Variants in CTNNA2 observed in about 807,000 individuals in gnomAD.
The protein encoded by CTNNA2 is catenin alpha 2.
Under a neutral mutation model 101.0 loss-of-function variants are expected in CTNNA2, and 42 were observed. The ratio of observed to expected loss-of-function variants is 0.42; its 90% CI spans 0.32 to 0.54. The LOEUF is 0.54. CTNNA2 is among the 20% of genes least tolerant of loss of function. CTNNA2 has a pLI of 0.14. For missense variants in CTNNA2, 871 were observed against 1,223.1 expected, an observed-to-expected ratio of 0.71 and a Z score of 4.29; for synonymous variants, 450 against 456.4, an observed-to-expected ratio of 0.99 and a Z score of 0.18.
At chr2:80,041,076 A>AAT (rs1202525548) in intron 7 of CTNNA2, among the ~76,000 whole-genome samples, 1 of 152,066 alleles carries the variant, frequency 6.6e-6, no homozygotes, top group Non-Finnish European at 1.5e-5. Flanking sequence ...AAAATGAAAA[A>AAT]ATATATATGT....
intron 14 of CTNNA2, 121 bp from the exon 15 acceptor site, chr2:80,589,183 T>G (rs958185814): frequency 1.0e-6 from 1 of 962,046 alleles, no homozygotes; most frequent in Non-Finnish European, 1.5e-6. Context: ...CTTTCCGGAA[T>G]GGCAGGGTAG....
chr2:79,487,679 G>A (rs1335792901), intron 4 of CTNNA2, among the ~76,000 whole-genome samples: 1 of 152,160 alleles, frequency 6.6e-6, no homozygotes, highest in Admixed American at 6.5e-5. Flanking sequence ...AACACGATCA[G>A]CTCATTTGGG....
At chr2:79,552,094 C>T (rs1404612493) in intron 1 of CTNNA2, among the ~76,000 whole-genome samples, 1 of 152,102 alleles carries the variant, frequency 6.6e-6, no homozygotes, top group Non-Finnish European at 1.5e-5. Flanking sequence ...TCACTTGAGA[C>T]AAGGCAAATC....
intron 7 of CTNNA2, among the ~76,000 whole-genome samples, chr2:80,043,920 T>G (rs72924614): frequency 0.037 from 5,583 of 152,288 alleles, 334 homozygotes; most frequent in African/African-American, 0.13. Context: ...TGTGTGTGTG[T>G]TTGTGCATGT....
intron 7 of CTNNA2, among the ~76,000 whole-genome samples, chr2:80,257,466 A>G (rs1414404479): frequency 1.3e-5 from 2 of 152,098 alleles, no homozygotes; most frequent in Non-Finnish European, 2.9e-5. Context: ...AATATAAAGA[A>G]CCCTGTGAAT....
chr2:80,365,133 G>T (rs991707630), intron 7 of CTNNA2, among the ~76,000 whole-genome samples: 2 of 152,108 alleles, frequency 1.3e-5, no homozygotes, highest in African/African-American at 4.8e-5. Context: ...ATTTGGGGTT[G>T]TTGTCACCAC....
intron 4 of CTNNA2, chr2:79,499,367 T>C (rs1671294305): frequency 6.6e-6 from 1 of 152,184 alleles, no homozygotes; most frequent in African/African-American, 2.4e-5. Flanking sequence ...CCTAGACTGA[T>C]GCAATTCCCT....
chr2:80,332,847 G>A (rs963462849), intron 7 of CTNNA2, among the ~76,000 whole-genome samples: 1 of 152,068 alleles, frequency 6.6e-6, no homozygotes, highest in Non-Finnish European at 1.5e-5. Flanking sequence ...GGGTTCAGTG[G>A]CCCTAAAGCC....
chr2:79,389,363 T>A (rs1412984628), intron 4 of CTNNA2, among the ~76,000 whole-genome samples: 1 of 152,320 alleles, frequency 6.6e-6, no homozygotes. Flanking sequence ...CTTACACCCT[T>A]AAATTTTCAT....
chr2:79,302,741 G>A (rs1018445977), intron 2 of CTNNA2, among the ~76,000 whole-genome samples: 1 of 152,056 alleles, frequency 6.6e-6, no homozygotes, highest in South Asian at 2.1e-4. Flanking sequence ...TCGGCACCAG[G>A]CATAAAGCTC....
intron 7 of CTNNA2, chr2:80,305,202 GT>G: frequency 1.0e-6 from 1 of 985,350 alleles, no homozygotes; most frequent in Non-Finnish European, 1.2e-6. Context: ...CCTCTTGCGG[GT>G]ACTGGAATTC....
At chr2:79,372,673 C>A (rs1416474668) in intron 3 of CTNNA2, among the ~76,000 whole-genome samples, 1 of 152,082 alleles carries the variant, frequency 6.6e-6, no homozygotes, top group African/African-American at 2.4e-5. Flanking sequence ...CAGGACAGAT[C>A]CCTTGAATCA....
intron 7 of CTNNA2, among the ~76,000 whole-genome samples, chr2:80,373,784 T>C (rs1374844509): frequency 1.3e-5 from 2 of 152,144 alleles, no homozygotes; most frequent in Non-Finnish European, 2.9e-5. Flanking sequence ...TTTCTAATTG[T>C]TGGATGAGAT....
intron 7 of CTNNA2, among the ~76,000 whole-genome samples, chr2:80,183,972 C>CT (rs1467171483): frequency 5.3e-5 from 8 of 151,732 alleles, no homozygotes. Flanking sequence ...AACTTGTGAG[C>CT]TTGTGCCTTG....
At chr2:80,596,879 T>G (rs1373975591) in intron 15 of CTNNA2, among the ~76,000 whole-genome samples, 1 of 152,166 alleles carries the variant, frequency 6.6e-6, no homozygotes, top group Non-Finnish European at 1.5e-5. Context: ...CTGAGGTATG[T>G]TCCATCAATG....
At chr2:79,836,916 A>G (rs6742151) in intron 3 of CTNNA2, among the ~76,000 whole-genome samples, 15,908 of 152,124 alleles carry the variant, frequency 0.1, 1,308 homozygotes, top group African/African-American at 0.23. Context: ...TTGTAAGGAC[A>G]CCAGTCATAT....
intron 3 of CTNNA2, among the ~76,000 whole-genome samples, chr2:79,345,108 T>TAA (rs5832381): frequency 7.5e-5 from 11 of 147,076 alleles, no homozygotes; most frequent in Non-Finnish European, 1.2e-4. Context: ...TGTTTTTTTT[T>TAA]AAAAAAAAAA....
At chr2:80,554,152 A>G (rs1692820985) in intron 11 of CTNNA2, among the ~76,000 whole-genome samples, 1 of 152,138 alleles carries the variant, frequency 6.6e-6, no homozygotes, top group African/African-American at 2.4e-5. Flanking sequence ...CCTGTGTCCT[A>G]AAAATATAAA....
intron 4 of CTNNA2, among the ~76,000 whole-genome samples, chr2:79,457,402 G>A (rs970048822): frequency 6.6e-6 from 1 of 151,952 alleles, no homozygotes; most frequent in Non-Finnish European, 1.5e-5. Flanking sequence ...ACAGTGTTGT[G>A]TGACCTGTTA....
Sources: allele counts gnomAD v4.1 joint callset (sites outside exome capture counted in the v4.1 genomes callset), GRCh38; gene constraint gnomAD v4.1.1; transcripts MANE v1.5; gene names NCBI Gene and HGNC (gene_info 2026-07-23, HGNC 2026-07-21).